RFNG: variants seen among roughly 807,000 people sequenced by gnomAD.
The protein encoded by RFNG is beta-1,3-N-acetylglucosaminyltransferase radical fringe.
In RFNG, 37 loss-of-function variants were observed where a neutral mutation model predicts 29.6. That is an observed-to-expected ratio of 1.25 (90% confidence interval 0.96 to 1.65). The LOEUF is 1.65. Ranked by LOEUF, RFNG falls within the 40% of genes most tolerant of loss-of-function variation. The pLI is 0.00. For missense variants in RFNG, 546 were observed against 457.0 expected (o/e 1.19, Z -1.78); for synonymous variants, 276 against 197.3 (o/e 1.40, Z -3.34).
chr17:82,051,769 G>A lies in RFNG; in HGVS notation c.-3C>T, dbSNP rs2030664245. 1 of 1,102,136 alleles carries A rather than the reference G, an allele frequency of 9.1e-7. No individual in the cohort carries two copies. The highest frequency in any genetic ancestry group is 1.1e-6 in the Non-Finnish European group (1 of 906,294). 68.3% of individuals were successfully genotyped at this position (1,102,136 alleles called of 1,614,324 possible). A position where few individuals can be genotyped will look rare whatever the true frequency, so the allele number is the denominator to read the frequency against. On this transcript the variant is annotated 5_prime_UTR_variant, in exon 1 of 8. Transcript: ENST00000310496. The surrounding 1 kb of genome is among the most constrained non-coding windows in gnomAD (Gnocchi z 4.1). ...AGCGCCCCACGCGCGCGGCTCATGCGGCCGCCGGGACCCCCGGCGCTGCGA... is the reference window on the plus strand; with the variant it reads ...AGCGCCCCACGCGCGCGGCTCATGCAGCCGCCGGGACCCCCGGCGCTGCGA...
In RFNG at chr17:82,051,128, G is replaced by T. The variant is rs1412351548; in HGVS notation, c.316+166C>A. 2 of 1,325,890 alleles carry T rather than the reference G, an allele frequency of 1.5e-6. No homozygotes were observed. Among genetic ancestry groups the T allele is most frequent in the South Asian group, 2.3e-5 (1 of 44,094 alleles). 82.1% of individuals were successfully genotyped at this position (1,325,890 alleles called of 1,614,324 possible). A position where few individuals can be genotyped will look rare whatever the true frequency, so the allele number is the denominator to read the frequency against. Reference sequence around the variant, plus strand: ...GTGGGGAGCAGAGCTTGGCTGGCAGGGTGGGCCCTCCGCAGGCCGCGTGAC... The same window carrying T: ...GTGGGGAGCAGAGCTTGGCTGGCAGTGTGGGCCCTCCGCAGGCCGCGTGAC... On this transcript the variant is annotated intron_variant, in intron 2 of 7. Transcript: ENST00000310496. The surrounding 1 kb of genome is among the most constrained non-coding windows in gnomAD (Gnocchi z 4.1).
At chr17:82,050,956 C>T in intron 2 of RFNG, 192 bp from the exon 3 acceptor site, 7 of 1,422,652 alleles carry the variant, frequency 4.9e-6, no homozygotes, top group Non-Finnish European at 6.4e-6. Flanking sequence ...CTGAAGCAGG[C>T]GGCCATCGGT....
In RFNG at chr17:82,048,719, G is replaced by C; in HGVS notation, c.*7C>G. On this transcript the variant is annotated 3_prime_UTR_variant, in exon 8 of 8. Coordinates refer to ENST00000310496, the MANE Select transcript of RFNG (RefSeq NM_002917.2). The stretch of plus-strand genomic sequence containing the variant: ...AGCCAGGCAGCCCTGGGTCGGGGTG[G>C]TTGGTGTCACCGAGAGGTCGGGGCG... 1 of 1,611,368 alleles carries C rather than the reference G, an allele frequency of 6.2e-7. No individual in the cohort carries two copies. The highest frequency in any genetic ancestry group is 8.5e-7 in the Non-Finnish European group (1 of 1,178,942).
rs749127528 is a variant in RFNG, at chr17:82,048,715, G to T, written c.*11C>A. The T allele has an allele frequency of 5.0e-6, 8 of 1,610,326 alleles. No individual in the cohort carries two copies. The highest frequency in any genetic ancestry group is 1.1e-5 in the South Asian group (1 of 91,048). ...ACAGAGCCAGGCAGCCCTGGGTCGG[G>T]GTGGTTGGTGTCACCGAGAGGTCGG... On this transcript the variant is annotated 3_prime_UTR_variant, in exon 8 of 8. Coordinates refer to ENST00000310496, the MANE Select transcript of RFNG (RefSeq NM_002917.2).
In RFNG at chr17:82,051,056, C is replaced by G; in HGVS notation, c.316+238G>C. On this transcript the variant is annotated intron_variant, in intron 2 of 7. Transcript: ENST00000310496. The surrounding 1 kb of genome is among the most constrained non-coding windows in gnomAD (Gnocchi z 4.1). ...TCCCTGCTGGCGCTTCTTCAGGGGA[C>G]GTGGCACTAGCCCCACGCCCCGGGA... 1 of 1,382,586 alleles carries G rather than the reference C, an allele frequency of 7.2e-7. No individual in the cohort carries two copies. Among genetic ancestry groups the G allele is most frequent in the South Asian group, 1.8e-5 (1 of 56,436 alleles). 85.6% of individuals were successfully genotyped at this position (1,382,586 alleles called of 1,614,324 possible). A position where few individuals can be genotyped will look rare whatever the true frequency, so the allele number is the denominator to read the frequency against.
Position 82,049,125 on chromosome 17 carries a change from G to A in RFNG, c.829-9C>T, listed in dbSNP as rs758742129. On this transcript the variant is annotated splice_polypyrimidine_tract_variant and intron_variant, in intron 6 of 7. Coordinates refer to ENST00000310496, the MANE Select transcript of RFNG (RefSeq NM_002917.2). Reference sequence around the variant, plus strand: ...CCATGGCTCAAGGTAACCTGGGAGGGAAGGGTGTGGGCAGAGTGTGTGGCC... The same window carrying A: ...CCATGGCTCAAGGTAACCTGGGAGGAAAGGGTGTGGGCAGAGTGTGTGGCC... 2.3e-5 allele frequency: 37 copies of A among 1,611,146 alleles called. No homozygotes were observed. Among genetic ancestry groups the A allele is most frequent in the Non-Finnish European group, 3.1e-5 (36 of 1,178,182 alleles).
rs757464403 is a variant in RFNG at position 82,049,838 on chromosome 17, C to T, written c.667G>A (p.Gly223Ser). 1.3e-6 allele frequency: 2 copies of T among 1,599,480 alleles called. No individual in the cohort carries two copies. The highest frequency in any genetic ancestry group is 2.2e-5 in the East Asian group (1 of 44,736). ...TGCTCAGCTGTGCTCATGAAGCTGCCCAGGCTGGGGGGAGGCCGGTCAGCA... is the reference window on the plus strand; with the variant it reads ...TGCTCAGCTGTGCTCATGAAGCTGCTCAGGCTGGGGGGAGGCCGGTCAGCA... ...ALKMSPWASL[G>S]SFMSTAEQVR... The change falls in exon 6 of 8, where the codon GGC becomes AGC. Residue 223 changes from glycine to serine, a missense_variant. By Grantham distance (56) the Gly-to-Ser change is moderately conservative (BLOSUM62 0). Transcript: ENST00000310496.
At position 82,048,094 on chromosome 17, in the gene RFNG, A is replaced by G. The variant is rs2030043037; in HGVS notation, c.*632T>C. On this transcript the variant is annotated 3_prime_UTR_variant, in exon 8 of 8. Transcript: ENST00000310496. ...CCAGGCACAGTGGGGCAGGAGCACG[A>G]CCCAGAAAGTAGTCCTGAGCCACAA... is the stretch of plus-strand genomic sequence containing the variant. The G allele has an allele frequency of 6.6e-6, 1 of 152,664 alleles. No individual in the cohort carries two copies. The allele number at this position is 152,664 out of a possible 1,614,324, so 9.5% of individuals were successfully genotyped here.
intron 6 of RFNG, 53 bp downstream of exon 6, chr17:82,049,624 G>C: frequency 7.5e-6 from 11 of 1,466,554 alleles, no homozygotes; most frequent in Non-Finnish European, 9.9e-6. Flanking sequence ...CCCTGGGGGA[G>C]TCAGGGCGGG....
Position 82,048,599 on chromosome 17 carries a change from G to T in RFNG, c.*127C>A. 1.3e-6 allele frequency: 1 copy of T among 749,300 alleles called. No homozygotes were observed. Among genetic ancestry groups the T allele is most frequent in the Non-Finnish European group, 2.3e-6 (1 of 429,288 alleles). 46.4% of individuals were successfully genotyped at this position (749,300 alleles called of 1,614,324 possible). The stretch of plus-strand genomic sequence containing the variant: ...GGGGGGGCTGCAGGCTAGCCAGAGG[G>T]TCTGCCAGGTGCCTGCATCTCACTG... On this transcript the variant is annotated 3_prime_UTR_variant, in exon 8 of 8. Coordinates refer to ENST00000310496, the MANE Select transcript of RFNG (RefSeq NM_002917.2).
chr17:82,048,312 A>G lies in RFNG; in HGVS notation c.*414T>C, dbSNP rs927397861. ...AAAGCCTGCCAGGCTGAGCCCTTGC[A>G]ATGGCCGTGGCTGGGCCAGGACCTT... On this transcript the variant is annotated 3_prime_UTR_variant, in exon 8 of 8. Coordinates refer to ENST00000310496, the MANE Select transcript of RFNG (RefSeq NM_002917.2). The G allele has an allele frequency of 1.3e-5, 3 of 223,046 alleles. No homozygotes were observed. The highest frequency in any genetic ancestry group is 4.6e-5 in the African/African-American group (2 of 43,236). 13.8% of individuals were successfully genotyped at this position (223,046 alleles called of 1,614,324 possible).
Position 82,048,497 on chromosome 17 carries a change from T to C in RFNG, c.*229A>G, listed in dbSNP as rs907943821. 3.6e-6 allele frequency: 2 copies of C among 562,758 alleles called. No individual in the cohort carries two copies. The allele number at this position is 562,758 out of a possible 1,614,324, so 34.9% of individuals were successfully genotyped here. A position where few individuals can be genotyped will look rare whatever the true frequency, so the allele number is the denominator to read the frequency against. On this transcript the variant is annotated 3_prime_UTR_variant, in exon 8 of 8. Transcript: ENST00000310496. ...GGGGCTGGGTCGGGGGGAGGGGCAC[T>C]GCGGCCCTGGCCATCAGCCTGGCTG... is the stretch of plus-strand genomic sequence containing the variant.
In RFNG at chr17:82,049,843, C is replaced by A. The variant is rs2030170178; in HGVS notation, c.663-1G>T. ...AGCTGTGCTCATGAAGCTGCCCAGG[C>A]TGGGGGGAGGCCGGTCAGCACCTTT... On this transcript the variant is annotated splice_acceptor_variant, in intron 5 of 7. Transcript: ENST00000310496. LOFTEE classifies it high-confidence loss of function. 1 of 1,602,890 alleles carries A rather than the reference C, an allele frequency of 6.2e-7. No individual in the cohort carries two copies. The highest frequency in any genetic ancestry group is 1.7e-5 in the Admixed American group (1 of 58,448).
In RFNG at chr17:82,050,414, C is replaced by G; in HGVS notation, c.561G>C (p.Gln187His). The part of the protein sequence containing the change: ...DHPIEATERV[Q>H]GGRTVTTVKF... ...CTCCGACACTCACAGTTCTGCCACC[C>G]TGGACCCTCTCGGTGGCCTCAATGG... The change falls in exon 4 of 8, where the codon CAG (glutamine) becomes CAC (histidine). Residue 187 changes from glutamine to histidine, a missense_variant. Gln to His is a conservative substitution (Grantham distance 24, BLOSUM62 0). Transcript: ENST00000310496. 1 of 1,590,820 alleles carries G rather than the reference C, an allele frequency of 6.3e-7. No homozygotes were observed. Among genetic ancestry groups the G allele is most frequent in the Non-Finnish European group, 8.5e-7 (1 of 1,171,666 alleles).
Position 82,048,774 on chromosome 17 carries a change from G to C in RFNG, c.948C>G (p.Asp316Glu). Residue 316 changes from aspartate to glutamate, a missense_variant, in exon 8 of 8, where the codon GAC becomes GAG. Physicochemically the swap from Asp to Glu is conservative, Grantham distance 45. Coordinates refer to ENST00000310496, the MANE Select transcript of RFNG (RefSeq NM_002917.2). ...GTTTCTGCCTGGGACACCAGTCCGTGTCTGGGTACAGAAGACAATGGATAG... is the reference window on the plus strand; with the variant it reads ...GTTTCTGCCTGGGACACCAGTCCGTCTCTGGGTACAGAAGACAATGGATAG... ...FKSIHCLLYP[D>E]TDWCPRQKQG... 1 of 1,613,370 alleles carries C rather than the reference G, an allele frequency of 6.2e-7. No individual in the cohort carries two copies. The highest frequency in any genetic ancestry group is 1.1e-5 in the South Asian group (1 of 91,090).
rs145447246 is a variant in RFNG, at chr17:82,049,039, G to A, written c.906C>T (p.Asp302=). ...NVAGGFSLHQ[D]PTRFKSIHCL... ...TGCCACTACCTACTCACCGTGTGGG[G>A]TCTTGATGCAGGCTGAAGCCTCCAG... is the stretch of plus-strand genomic sequence containing the variant. The change falls in exon 7 of 8, where the codon GAC becomes GAT. Residue 302 remains aspartate, a synonymous_variant. Coordinates refer to ENST00000310496, the MANE Select transcript of RFNG (RefSeq NM_002917.2). The A allele has an allele frequency of 3.1e-6, 5 of 1,613,224 alleles. No homozygotes were observed. The African/African-American group carries it at 6.7e-5, about 22-fold the overall frequency.
At chr17:82,049,896 G>A (rs192120606) in intron 5 of RFNG, 22 bp downstream of exon 5, 29 of 1,611,120 alleles carry the variant, frequency 1.8e-5, no homozygotes, top group East Asian at 1.8e-4. Context: ...CTCCCAGCCC[G>A]GGCAGCTGGA....
rs2030572260 is a variant in RFNG, at chr17:82,051,479, C to T, written c.267+21G>A. On this transcript the variant is annotated intron_variant, in intron 1 of 7. Coordinates refer to ENST00000310496, the MANE Select transcript of RFNG (RefSeq NM_002917.2). This position sits in a 1 kb window ranked among gnomAD's most constrained non-coding sequence, Gnocchi z 4.1. ...GGCGGGTGGGCGTGGGGCTCGCCGT[C>T]GGGGTCGGGGTCCGGCGCACCTGCT... 11 of 1,351,852 alleles carry T rather than the reference C, an allele frequency of 8.1e-6. No individual in the cohort carries two copies. The highest frequency in any genetic ancestry group is 1.0e-5 in the Non-Finnish European group (11 of 1,049,866). 83.7% of individuals were successfully genotyped at this position (1,351,852 alleles called of 1,614,324 possible).
At chr17:82,048,837 C>T (rs201923333) in intron 7 of RFNG, 30 bp from the exon 8 acceptor site, 15 of 1,590,764 alleles carry the variant, frequency 9.4e-6, no homozygotes, top group East Asian at 8.9e-5. Context: ...GGGTCAGGGC[C>T]GTGGGCGGAG....
Sources: allele counts gnomAD v4.1 joint callset, GRCh38; gene constraint gnomAD v4.1.1; non-coding constraint Gnocchi (gnomAD v3.1); transcripts MANE v1.5; gene names NCBI Gene and HGNC (gene_info 2026-07-23, HGNC 2026-07-21).